SLC4A4: variants seen among roughly 807,000 people sequenced by gnomAD.
SLC4A4 encodes the protein electrogenic sodium bicarbonate cotransporter 1.
A neutral mutation model predicts 111.5 loss-of-function variants in SLC4A4; 27 were observed. The ratio of observed to expected loss-of-function variants is 0.24; its 90% CI spans 0.18 to 0.33. SLC4A4 has a LOEUF of 0.33. SLC4A4 is among the 10% of genes least tolerant of loss of function. The probability of loss-of-function intolerance (pLI) is 1.00; values close to 1 mark genes in which losing one functional copy is unlikely to be tolerated. For synonymous variants in SLC4A4, 443 were observed against 463.4 expected (o/e 0.96, Z 0.57); for missense variants, 909 against 1,315.5 (o/e 0.69, Z 4.78).
At chr4:71,213,073 G>A (rs1042349485) in intron 1 of SLC4A4, among the ~76,000 whole-genome samples, 4 of 152,216 alleles carry the variant, frequency 2.6e-5, no homozygotes, top group African/African-American at 9.6e-5. Context: ...GCCTAGGTGT[G>A]TAAGAGGCTG....
At chr4:71,260,826 C>T (rs549384914) in intron 3 of SLC4A4, among the ~76,000 whole-genome samples, 2 of 152,188 alleles carry the variant, frequency 1.3e-5, no homozygotes, top group East Asian at 1.9e-4. Context: ...AGGGGATGAT[C>T]GATTTTAATC....
intron 16 of SLC4A4, among the ~76,000 whole-genome samples, chr4:71,529,478 C>CAGT (rs397807890): frequency 6.6e-6 from 1 of 151,674 alleles, no homozygotes; most frequent in East Asian, 1.9e-4. Flanking sequence ...AAATTAGCAG[C>CAGT]CCCATACATG....
At chr4:71,268,844 A>G (rs764715843) in intron 3 of SLC4A4, among the ~76,000 whole-genome samples, 9 of 152,210 alleles carry the variant, frequency 5.9e-5, no homozygotes, top group Non-Finnish European at 1.3e-4. Context: ...GAGGGCATTC[A>G]GGGAACTGAC....
At chr4:71,223,331 G>A (rs973633754) in intron 1 of SLC4A4, among the ~76,000 whole-genome samples, 2 of 151,478 alleles carry the variant, frequency 1.3e-5, no homozygotes, top group South Asian at 2.1e-4. Flanking sequence ...ACCCACCCCC[G>A]CGCCTGTCTA....
intron 17 of SLC4A4, 42 bp from the exon 18 acceptor site, chr4:71,534,185 A>T (rs771066896): frequency 1.4e-5 from 23 of 1,599,550 alleles, no homozygotes; most frequent in Admixed American, 6.7e-5. Context: ...AGTATATATT[A>T]ACCTGATAAT....
chr4:71,215,755 G>A (rs529022761), intron 1 of SLC4A4, among the ~76,000 whole-genome samples: 14 of 152,228 alleles, frequency 9.2e-5, no homozygotes, highest in East Asian at 3.9e-4. Context: ...CAAGTGAACC[G>A]TCCCAAAGGG....
intron 1 of SLC4A4, among the ~76,000 whole-genome samples, chr4:71,222,450 TGTA>T (rs1718802542): frequency 6.6e-6 from 1 of 152,242 alleles, no homozygotes; most frequent in Non-Finnish European, 1.5e-5. Context: ...ATTTTTCCAT[TGTA>T]GTATCAACTT....
intron 18 of SLC4A4, among the ~76,000 whole-genome samples, chr4:71,545,064 A>G (rs1036124558): frequency 2.6e-5 from 4 of 152,012 alleles, no homozygotes; most frequent in Non-Finnish European, 4.4e-5. Flanking sequence ...ACCACTCTCA[A>G]TTCAAACTAT....
intron 1 of SLC4A4, among the ~76,000 whole-genome samples, chr4:71,229,663 A>G (rs561838278): frequency 3.9e-5 from 6 of 152,120 alleles, no homozygotes; most frequent in South Asian, 2.1e-4. Context: ...CATCACTGCT[A>G]TCAGTCATGC....
In SLC4A4 at chr4:71,145,797, C is replaced by T. The variant is rs562158896; in HGVS notation, c.-2+53005C>T. ...TTCTGTGGGATCGGTGGTGATATCC[C>T]CTTTGTCATTTTTTCTTGCGTCTAT... On this transcript the variant is annotated intron_variant, in intron 2 of 26. Transcript: ENST00000649996. 2.6e-5 allele frequency among the ~76,000 whole-genome samples: 4 copies of T among 152,008 alleles called. No homozygotes were observed. The South Asian group carries it at 8.3e-4, about 32-fold the overall frequency.
chr4:71,481,909 A>T (rs1728916805), intron 14 of SLC4A4, among the ~76,000 whole-genome samples: 1 of 105,306 alleles, frequency 9.5e-6, no homozygotes. Flanking sequence ...GCTACATCTA[A>T]GTTAGCCAGA....
intron 7 of SLC4A4, among the ~76,000 whole-genome samples, chr4:71,432,120 C>T (rs1245909682): frequency 6.6e-6 from 1 of 152,016 alleles, no homozygotes; most frequent in Non-Finnish European, 1.5e-5. Flanking sequence ...GTGCTGAGCT[C>T]TAAAGGCTGT....
chr4:71,213,958 G>A (rs1229048020), intron 1 of SLC4A4, among the ~76,000 whole-genome samples: 1 of 152,176 alleles, frequency 6.6e-6, no homozygotes, highest in Non-Finnish European at 1.5e-5. Flanking sequence ...ATGATGTTGT[G>A]TTATAGCAGC....
rs1262473760 is a variant in SLC4A4 at position 71,199,880 on chromosome 4, ACCTCAGGTGATCCACCTGCCTCAGCTTC to A, written c.-2+12482_-2+12509del. On this transcript the variant is annotated intron_variant, in intron 1 of 25. Transcript: ENST00000264485. ...TGGCCAGGCTGGTCTCGAACCCCTG[ACCTCAGGTGATCCACCTGCCTCAGCTTC>A]CCAAAGTGCTGGGATTACAGGCGTG... is the stretch of plus-strand genomic sequence containing the variant. 9.2e-5 allele frequency among the ~76,000 whole-genome samples: 14 copies of A among 152,202 alleles called. No individual in the cohort carries two copies. The East Asian group carries it at 2.7e-3, about 29-fold the overall frequency.
upstream of SLC4A4, chr4:71,186,622 C>T (rs1489401789): frequency 2.0e-5 from 3 of 151,558 alleles, no homozygotes; most frequent in Admixed American, 2.0e-4. Flanking sequence ...GAGGCCCCTC[C>T]CCGCCGCCGA....
intron 15 of SLC4A4, among the ~76,000 whole-genome samples, chr4:71,490,485 C>G (rs1246700378): frequency 6.6e-6 from 1 of 151,562 alleles, no homozygotes; most frequent in East Asian, 1.9e-4. Flanking sequence ...TGTTTGATAC[C>G]CTAGCTTTCT....
intron 3 of SLC4A4, 84 bp from the exon 4 acceptor site, chr4:71,339,286 T>C (rs1728691940): frequency 1.2e-6 from 2 of 1,614,034 alleles, no homozygotes; most frequent in South Asian, 1.1e-5. Flanking sequence ...CCCAGTAACC[T>C]TGGGGAGAGA....
intron 2 of SLC4A4, among the ~76,000 whole-genome samples, chr4:71,138,220 G>T (rs561001739): frequency 6.6e-6 from 1 of 152,218 alleles, no homozygotes; most frequent in Non-Finnish European, 1.5e-5. Flanking sequence ...TCTTCGTGGA[G>T]GCCAGTGTTA....
intron 14 of SLC4A4, among the ~76,000 whole-genome samples, chr4:71,482,533 G>T (rs1029406633): frequency 2.6e-5 from 4 of 151,568 alleles, no homozygotes; most frequent in African/African-American, 9.7e-5. Flanking sequence ...CATGAAGAAA[G>T]AGCCTTGAAT....
Sources: allele counts gnomAD v4.1 joint callset (sites outside exome capture counted in the v4.1 genomes callset), GRCh38; gene constraint gnomAD v4.1.1; transcripts MANE v1.5; gene names NCBI Gene and HGNC (gene_info 2026-07-23, HGNC 2026-07-21).